Variants in SLC14A2 observed in about 807,000 individuals in gnomAD.
SLC14A2 encodes urea transporter 2.
A neutral mutation model predicts 104.6 loss-of-function variants in SLC14A2; 91 were observed. The ratio of observed to expected loss-of-function variants is 0.87; its 90% CI spans 0.73 to 1.04. The LOEUF is 1.04. Among genes scored for constraint, SLC14A2 ranks in the 50% least tolerant of loss-of-function variants. The pLI is 0.00. For synonymous variants in SLC14A2, 476 were observed against 466.4 expected (o/e 1.02, Z -0.27); for missense variants, 1,189 against 1,156.0 (o/e 1.03, Z -0.41).
chr18:45,594,552 C>T lies in SLC14A2; in HGVS notation c.-34-30079C>T, dbSNP rs559080290. 1.3e-3 allele frequency among the ~76,000 whole-genome samples: 202 copies of T among 152,182 alleles called. 1 individual carries two copies. The highest frequency in any genetic ancestry group is 2.5e-3 in the Non-Finnish European group (170 of 68,002). ...CCCTCCTCTCCTTTCTCTCCTGGAC[C>T]GGTCATTACCTCTGTGAACAAAAGG... On this transcript the variant is annotated intron_variant, in intron 2 of 20. Transcript: ENST00000586448.
the SLC14A2 span, among the ~76,000 whole-genome samples, chr18:45,192,409 T>C: frequency 6.6e-6 from 1 of 152,204 alleles, no homozygotes; most frequent in South Asian, 2.1e-4. Flanking sequence ...TGTAAATATA[T>C]GTTTTTATTT....
At chr18:45,379,573 A>G (rs1457882438) in intron 1 of SLC14A2, among the ~76,000 whole-genome samples, 1 of 152,152 alleles carries the variant, frequency 6.6e-6, no homozygotes, top group African/African-American at 2.4e-5. Flanking sequence ...AGGTTCCCAA[A>G]TCTGGGTGAA....
At chr18:45,398,407 G>A (rs544422411) in intron 1 of SLC14A2, among the ~76,000 whole-genome samples, 57 of 152,254 alleles carry the variant, frequency 3.7e-4, no homozygotes, top group African/African-American at 1.4e-3. Context: ...TCAGAAAGCA[G>A]CAGGGATTGG....
At chr18:45,345,337 C>G (rs1054498410) in intron 1 of SLC14A2, among the ~76,000 whole-genome samples, 2 of 152,194 alleles carry the variant, frequency 1.3e-5, no homozygotes, top group Non-Finnish European at 2.9e-5. Context: ...GTTAGGAACT[C>G]TGATAGGTGC....
chr18:45,391,462 A>T (rs1412485580), intron 1 of SLC14A2, among the ~76,000 whole-genome samples: 10 of 152,194 alleles, frequency 6.6e-5, no homozygotes, highest in African/African-American at 9.7e-5. Context: ...GGCTGGGTCA[A>T]ATGGTATTTC....
intron 2 of SLC14A2, among the ~76,000 whole-genome samples, chr18:45,573,369 G>A (rs1318944537): frequency 6.6e-6 from 1 of 150,704 alleles, no homozygotes; most frequent in Non-Finnish European, 1.5e-5. Flanking sequence ...CAGAAGAGAT[G>A]TTAGAGATGT....
intron 1 of SLC14A2, among the ~76,000 whole-genome samples, chr18:45,441,965 C>T (rs898163255): frequency 2.6e-5 from 4 of 152,148 alleles, no homozygotes; most frequent in Non-Finnish European, 1.5e-5. Context: ...CCCCGGAGTG[C>T]TATTAGTGAT....
chr18:45,423,219 G>A (rs1038509636), intron 1 of SLC14A2, among the ~76,000 whole-genome samples: 5 of 152,284 alleles, frequency 3.3e-5, no homozygotes, highest in South Asian at 2.1e-4. Flanking sequence ...ACAGGGACCC[G>A]AACTTCCCAC....
rs191864977 is a variant in SLC14A2, at chr18:45,558,560, A to G, written c.-34-66071A>G. Among the ~76,000 whole-genome samples, 38 of 152,300 alleles carry G rather than the reference A, an allele frequency of 2.5e-4. 1 individual carries two copies. Among genetic ancestry groups the G allele is most frequent in the Admixed American group, 2.2e-3 (34 of 15,308 alleles). Reference sequence around the variant, plus strand: ...AAGAAACCACAAAAGCAGCATCACCACAGGTGTTGTGTTTTCTGTAGGAAA... The same window carrying G: ...AAGAAACCACAAAAGCAGCATCACCGCAGGTGTTGTGTTTTCTGTAGGAAA... On this transcript the variant is annotated intron_variant, in intron 2 of 20. Coordinates refer to the SLC14A2 transcript ENST00000586448.
At position 45,291,837 on chromosome 18, in the gene SLC14A2, G is replaced by T. The variant is rs374612225; in HGVS notation, c.-125+78646G>T. Among the ~76,000 whole-genome samples, 5 of 151,770 alleles carry T rather than the reference G, an allele frequency of 3.3e-5. No individual in the cohort carries two copies. The East Asian group carries it at 7.7e-4, about 23-fold the overall frequency. On this transcript the variant is annotated intron_variant, in intron 1 of 20. Coordinates refer to the SLC14A2 transcript ENST00000586448. The stretch of plus-strand genomic sequence containing the variant: ...GGTTTCTCCGGGGGCGGTTGGGGGG[G>T]TGGGGAACGCTTTGGAGAAAACCAC...
At chr18:45,219,605 A>G (rs967420464) in intron 1 of SLC14A2, among the ~76,000 whole-genome samples, 4 of 152,244 alleles carry the variant, frequency 2.6e-5, no homozygotes, top group Non-Finnish European at 5.9e-5. Context: ...AAAGAGAGCT[A>G]AAAGAAAAAC....
At chr18:45,358,956 G>C (rs956178853) in intron 1 of SLC14A2, among the ~76,000 whole-genome samples, 2 of 152,186 alleles carry the variant, frequency 1.3e-5, no homozygotes, top group African/African-American at 2.4e-5. Context: ...TTGAATATCA[G>C]ATCCAAACCT....
chr18:45,261,946 TGGTATTTCTAGTTCTAGA>T (rs1599623425), intron 1 of SLC14A2, among the ~76,000 whole-genome samples: 4 of 152,334 alleles, frequency 2.6e-5, no homozygotes, highest in East Asian at 1.9e-4. Flanking sequence ...CTGGGTCAAA[TGGTATTTCTAGTTCTAGA>T]TCCCTGAGGA....
chr18:45,570,405 C>T (rs889591583), intron 2 of SLC14A2, among the ~76,000 whole-genome samples: 2 of 152,186 alleles, frequency 1.3e-5, no homozygotes, highest in Non-Finnish European at 2.9e-5. Context: ...AAGCACCCTC[C>T]TCTAAGTTCA....
At chr18:45,615,836 T>A (rs1004025639) in intron 1 of SLC14A2, among the ~76,000 whole-genome samples, 34 of 148,656 alleles carry the variant, frequency 2.3e-4, no homozygotes, top group South Asian at 1.3e-3. Context: ...TGTGTGTGTG[T>A]GAGAGAGAGA....
At chr18:45,287,499 T>C (rs2084826463) in intron 1 of SLC14A2, among the ~76,000 whole-genome samples, 1 of 151,502 alleles carries the variant, frequency 6.6e-6, no homozygotes, top group African/African-American at 2.4e-5. Context: ...ACTGGGGGAG[T>C]TCATGGGGAC....
At chr18:45,545,811 A>G (rs2043960191) in intron 2 of SLC14A2, among the ~76,000 whole-genome samples, 1 of 152,216 alleles carries the variant, frequency 6.6e-6, no homozygotes, top group South Asian at 2.1e-4. Context: ...GCGATGCTCA[A>G]TAGGTACACA....
chr18:45,226,381 G>A, intron 1 of SLC14A2, among the ~76,000 whole-genome samples: 1 of 152,112 alleles, frequency 6.6e-6, no homozygotes. Context: ...TATGTTTATT[G>A]TGGCACTATT....
At position 45,669,317 on chromosome 18, in the gene SLC14A2, C is replaced by G. The variant is rs1332441993; in HGVS notation, c.2048C>G (p.Ser683Cys). 5 of 1,612,870 alleles carry G rather than the reference C, an allele frequency of 3.1e-6. No homozygotes were observed. The East Asian group carries it at 1.1e-4, about 36-fold the overall frequency. ...GCTTCTGCCATCAGCCCCATCCTCT[C>G]CAGTGCCCTGGGTACCATCTTCAGC... Reference protein sequence around the residue: ...IIMSMSCPILSSALGTIFSKW... With the variant: ...IIMSMSCPILCSALGTIFSKW... The change falls in exon 16 of 20, where the codon TCC (serine) becomes TGC (cysteine). Residue 683 changes from serine to cysteine, a missense_variant. By Grantham distance (112) the Ser-to-Cys change is moderately radical. Coordinates refer to ENST00000255226, the MANE Select transcript of SLC14A2 (RefSeq NM_007163.4).
Sources: gnomAD v4.1 joint callset for allele counts (sites outside exome capture counted in the v4.1 genomes callset) on GRCh38, gnomAD v4.1.1 for gene constraint, MANE v1.5 for transcripts, NCBI Gene and HGNC (gene_info 2026-07-23, HGNC 2026-07-21) for gene names.